Variants in DCD observed in about 807,000 individuals in gnomAD.
DCD encodes the protein diffusible survival/evasion peptide.
A neutral mutation model predicts 14.5 loss-of-function variants in DCD; 17 were observed. That is an observed-to-expected ratio of 1.18 (90% confidence interval 0.81 to 1.76). The LOEUF (loss-of-function observed/expected upper bound fraction) is 1.76. Among genes scored for constraint, DCD ranks in the 40% most tolerant of loss-of-function variants. The pLI is 0.00. For missense variants in DCD, 139 were observed against 133.4 expected, an observed-to-expected ratio of 1.04 and a Z score of -0.21; for synonymous variants, 64 against 54.0, an observed-to-expected ratio of 1.19 and a Z score of -0.82.
Position 54,644,624 on chromosome 12 carries a change from ATTTTTTTT to A in DCD, c.*81_*88del, listed in dbSNP as rs11338265. 6.8e-5 allele frequency: 44 copies of A among 651,664 alleles called. No individual in the cohort carries two copies. In the East Asian group the frequency reaches 9.3e-4, roughly 14 times the overall value. 40.4% of individuals were successfully genotyped at this position (651,664 alleles called of 1,614,324 possible). A position where few individuals can be genotyped will look rare whatever the true frequency, so the allele number is the denominator to read the frequency against. ...GCTTTCAGTTTAATAGCTGTTTTAAATTTTTTTTTTTTTTTTTTTTTTTAGGTTTTAGG... is the reference window on the plus strand; with the variant it reads ...GCTTTCAGTTTAATAGCTGTTTTAAATTTTTTTTTTTTTTTAGGTTTTAGG... On this transcript the variant is annotated 3_prime_UTR_variant, in exon 5 of 5. Transcript: ENST00000293371.
At chr12:54,647,030 C>T in intron 2 of DCD, 91 bp downstream of exon 2, 2 of 1,368,300 alleles carry the variant, frequency 1.5e-6, no homozygotes, top group South Asian at 1.4e-5. Context: ...TCCCCGGACC[C>T]CCCTTCTGCT....
chr12:54,645,192 A>G lies in DCD; in HGVS notation c.270T>C (p.Asp90=), dbSNP rs746845760. The part of the protein sequence containing the change: ...LGKLGKDAVE[D]LESVGKGAVH... ...ACTCACCTTTACCCACGCTTTCTAG[A>G]TCTTCGACTGCATCTTTTCCTAGTT... Residue 90 remains aspartate (D), a synonymous_variant, in exon 4 of 5, where the codon GAT becomes GAC. Coordinates refer to ENST00000293371, the MANE Select transcript of DCD (RefSeq NM_053283.4). The G allele has an allele frequency of 6.2e-7, 1 of 1,613,952 alleles. No individual in the cohort carries two copies. The highest frequency in any genetic ancestry group is 8.5e-7 in the Non-Finnish European group (1 of 1,179,978).
At chr12:54,647,763 A>G (rs1314741073) in intron 1 of DCD, among the ~76,000 whole-genome samples, 1 of 152,232 alleles carries the variant, frequency 6.6e-6, no homozygotes, top group South Asian at 2.1e-4. Context: ...AAGGAAAAAT[A>G]CAGGAGGCAA....
Position 54,647,117 on chromosome 12 carries a change from T to G in DCD, c.97+4A>C. ...CTGGGGCAGGAGGAAGAGAAAGGACTCACGGTTCCCCGATCCTGGGGCAGA... is the reference window on the plus strand; with the variant it reads ...CTGGGGCAGGAGGAAGAGAAAGGACGCACGGTTCCCCGATCCTGGGGCAGA... On this transcript the variant is annotated splice_donor_region_variant and intron_variant, in intron 2 of 4. Coordinates refer to ENST00000293371, the MANE Select transcript of DCD (RefSeq NM_053283.4). 1 of 1,557,636 alleles carries G rather than the reference T, an allele frequency of 6.4e-7. No homozygotes were observed. Among genetic ancestry groups the G allele is most frequent in the Non-Finnish European group, 8.7e-7 (1 of 1,149,860 alleles).
At chr12:54,647,581 G>A (rs1215292741) in intron 1 of DCD, among the ~76,000 whole-genome samples, 3 of 152,152 alleles carry the variant, frequency 2.0e-5, no homozygotes, top group Non-Finnish European at 4.4e-5. Flanking sequence ...TCTTCCAAAA[G>A]CATGAATGAA....
chr12:54,647,458 G>A (rs576963557), intron 1 of DCD, among the ~76,000 whole-genome samples: 1 of 152,144 alleles, frequency 6.6e-6, no homozygotes, highest in Non-Finnish European at 1.5e-5. Flanking sequence ...AAAGTTGAAG[G>A]GGCATGACCA....
rs761970067 is a variant in DCD, at chr12:54,644,975, TA to T, written c.289+197del. The T allele has an allele frequency of 3.4e-3, 4,295 of 1,262,222 alleles. 1 individual carries two copies. The highest frequency in any genetic ancestry group is 7.4e-3 in the Admixed American group (285 of 38,318). 78.2% of individuals were successfully genotyped at this position (1,262,222 alleles called of 1,614,324 possible). The stretch of plus-strand genomic sequence containing the variant: ...TGGCAGGGGCAGGGGGCAAGAGCAA[TA>T]AAAAAAAAAGCAAGTTAGACCCCAG... On this transcript the variant is annotated intron_variant, in intron 4 of 4. Coordinates refer to ENST00000293371, the MANE Select transcript of DCD (RefSeq NM_053283.4).
chr12:54,647,027 AC>A (rs1366027438), intron 2 of DCD, 93 bp downstream of exon 2: 8 of 1,331,458 alleles, frequency 6.0e-6, no homozygotes, highest in Non-Finnish European at 5.1e-6. Context: ...CCTTCCCCGG[AC>A]CCCCCTTCTG....
rs1025147982 is a variant in DCD, at chr12:54,645,693, A to G, written c.112T>C (p.Ser38Pro). 9 of 1,613,950 alleles carry G rather than the reference A, an allele frequency of 5.6e-6. No homozygotes were observed. The highest frequency in any genetic ancestry group is 5.9e-6 in the Non-Finnish European group (7 of 1,179,954). The change falls in exon 3 of 5, where the codon TCA (serine) becomes CCA (proline). Residue 38 changes from serine (S) to proline (P), a missense_variant. Physicochemically the swap from Ser to Pro is moderately conservative, Grantham distance 74. Coordinates refer to ENST00000293371, the MANE Select transcript of DCD (RefSeq NM_053283.4). ...CCTGCATTTTCCTTTTGAGCTGCTG[A>G]TGCTTCATGGCAAGCTGCAAGGGTA... The part of the protein sequence containing the change: ...PGSGNPCHEA[S>P]AAQKENAGED...
At chr12:54,647,570 T>C (rs1958271347) in intron 1 of DCD, among the ~76,000 whole-genome samples, 1 of 152,232 alleles carries the variant, frequency 6.6e-6, no homozygotes, top group Admixed American at 6.5e-5. Flanking sequence ...CATTTCTTTA[T>C]TCTTCCAAAA....
chr12:54,645,762 G>C (rs1255454271), intron 2 of DCD, 55 bp from the exon 3 acceptor site: 37 of 1,498,648 alleles, frequency 2.5e-5, no homozygotes, highest in Non-Finnish European at 3.3e-5. Flanking sequence ...TTCCACCCTG[G>C]TCGGGGAGCA....
At chr12:54,645,094 G>T (rs553784242) in intron 4 of DCD, 79 bp downstream of exon 4, 35 of 1,522,124 alleles carry the variant, frequency 2.3e-5, no homozygotes, top group African/African-American at 6.9e-5. Flanking sequence ...TCAATGGGGG[G>T]GCTGTGGCAG....
intron 4 of DCD, 44 bp from the exon 5 acceptor site, chr12:54,644,800 A>C (rs760602440): frequency 1.3e-6 from 2 of 1,583,274 alleles, no homozygotes; most frequent in Admixed American, 3.5e-5. Context: ...GGTAGGAAGA[A>C]AAAAGGAAGG....
intron 1 of DCD, 69 bp downstream of exon 1, chr12:54,648,177 G>C: frequency 6.4e-7 from 1 of 1,566,662 alleles, no homozygotes; most frequent in Non-Finnish European, 8.8e-7. Context: ...GGAGGGGAAG[G>C]GGAAATGAAG....
chr12:54,645,506 T>C, intron 3 of DCD, 100 bp downstream of exon 3: 4 of 1,086,688 alleles, frequency 3.7e-6, no homozygotes, highest in Non-Finnish European at 5.5e-6. Flanking sequence ...TGGGTGTAGC[T>C]GTGTCCCTGT....
Position 54,645,634 on chromosome 12 carries a change from C to A in DCD, c.171G>T (p.Lys57Asn). The change falls in exon 3 of 5, where the codon AAG becomes AAT. Residue 57 changes from lysine to asparagine, a missense_variant. Transcript: ENST00000293371. The stretch of plus-strand genomic sequence containing the variant: ...GAAGGCTGGATCTCTGCTTCCTTGG[C>A]TTTGGTGCCTGTCTGGCTAACCCTG... The part of the protein sequence containing the change: ...EDPGLARQAP[K>N]PRKQRSSLLE... 6.2e-7 allele frequency: 1 copy of A among 1,614,146 alleles called. No individual in the cohort carries two copies. Among genetic ancestry groups the A allele is most frequent in the Non-Finnish European group, 8.5e-7 (1 of 1,179,994 alleles).
Position 54,648,332 on chromosome 12 carries a change from C to G in DCD, c.-29G>C. ...TCTGTGTGCTGGAGTGGGTATGCCA[C>G]CAAATCCTTGGAGATCTTGGGATCT... On this transcript the variant is annotated 5_prime_UTR_variant, in exon 1 of 5. Coordinates refer to ENST00000293371, the MANE Select transcript of DCD (RefSeq NM_053283.4). 6.2e-7 allele frequency: 1 copy of G among 1,613,604 alleles called. No individual in the cohort carries two copies. The highest frequency in any genetic ancestry group is 8.5e-7 in the Non-Finnish European group (1 of 1,179,784).
intron 1 of DCD, among the ~76,000 whole-genome samples, chr12:54,647,489 CT>C (rs1296448799): frequency 6.6e-6 from 1 of 152,210 alleles, no homozygotes; most frequent in African/African-American, 2.4e-5. Flanking sequence ...ACCACAGCAC[CT>C]GCTCTAGTGA....
At chr12:54,644,872 G>A in intron 4 of DCD, 116 bp from the exon 5 acceptor site, 1 of 1,549,600 alleles carries the variant, frequency 6.5e-7, no homozygotes, top group Non-Finnish European at 8.7e-7. Flanking sequence ...AGGGAGGCCT[G>A]GAGGTGCTTA....
Sources: allele counts gnomAD v4.1 joint callset (sites outside exome capture counted in the v4.1 genomes callset), GRCh38; gene constraint gnomAD v4.1.1; transcripts MANE v1.5; gene names NCBI Gene and HGNC (gene_info 2026-07-23, HGNC 2026-07-21).